EXD1: variants seen among roughly 807,000 people sequenced by gnomAD.
EXD1 encodes piRNA biogenesis protein EXD1.
Under a neutral mutation model 49.1 loss-of-function variants are expected in EXD1, and 63 were observed. The ratio of observed to expected loss-of-function variants is 1.28; its 90% CI spans 1.05 to 1.58. The LOEUF is 1.58. EXD1 is among the 40% of genes most tolerant of loss of function. The pLI is 0.00. For synonymous variants in EXD1, 234 were observed against 239.2 expected (o/e 0.98, Z 0.20); for missense variants, 748 against 666.0 (o/e 1.12, Z -1.36).
At position 41,184,418 on chromosome 15, in the gene EXD1, C is replaced by A; in HGVS notation, c.1232G>T (p.Gly411Val). ...ETAGKEEKVK[G>V]FLFGKNFRID... The stretch of plus-strand genomic sequence containing the variant: ...CCTAAAATTTTTACCAAATAAGAAG[C>A]CTTTGACTTTCTCCTCTTTCCCTGC... The change falls in exon 12 of 12, where the codon GGC becomes GTC. Residue 411 changes from glycine to valine, a missense_variant. Gly to Val is a moderately radical substitution (Grantham distance 109). Transcript: ENST00000458580. The A allele has an allele frequency of 6.2e-7, 1 of 1,614,112 alleles. No individual in the cohort carries two copies. Among genetic ancestry groups the A allele is most frequent in the Non-Finnish European group, 8.5e-7 (1 of 1,180,026 alleles).
In EXD1 at chr15:41,219,163, T is replaced by C. The variant is rs527859850; in HGVS notation, c.202+667A>G. 2.6e-5 allele frequency among the ~76,000 whole-genome samples: 4 copies of C among 152,352 alleles called. 1 individual carries two copies. The East Asian group carries it at 7.7e-4, about 29-fold the overall frequency. ...TGTATGAAGCACACTGATGAGCTTC[T>C]ACAGCTACTCTTTCAGGCAAACAAT... On this transcript the variant is annotated intron_variant, in intron 3 of 11. Transcript: ENST00000458580.
Position 41,219,902 on chromosome 15 carries a change from T to C in EXD1, c.134-4A>G. 1.3e-6 allele frequency: 2 copies of C among 1,532,832 alleles called. No homozygotes were observed. Among genetic ancestry groups the C allele is most frequent in the South Asian group, 1.2e-5 (1 of 83,240 alleles). The allele number at this position is 1,532,832 out of a possible 1,614,324, so 95.0% of individuals were successfully genotyped here. A position where few individuals can be genotyped will look rare whatever the true frequency, so the allele number is the denominator to read the frequency against. ...CGACCTGTCTCCACATTCTTCACTG[T>C]TACAGAAAACAATTCATTCAGTTAA... On this transcript the variant is annotated splice_region_variant and splice_polypyrimidine_tract_variant and intron_variant, in intron 2 of 11. Coordinates refer to ENST00000458580, the MANE Select transcript of EXD1 (RefSeq NM_001286441.2).
At chr15:41,222,972 G>T (rs1306558436) in intron 2 of EXD1, among the ~76,000 whole-genome samples, 4 of 151,214 alleles carry the variant, frequency 2.6e-5, no homozygotes, top group Non-Finnish European at 5.9e-5. Context: ...TTTTTTAGAG[G>T]TGGGGTCTTG....
chr15:41,190,404 C>T (rs558806204), intron 10 of EXD1: 17 of 375,950 alleles, frequency 4.5e-5, no homozygotes, highest in South Asian at 2.6e-4. Context: ...ACCTGGGAGG[C>T]GGAGCTTGCA....
chr15:41,205,491 A>C (rs777294608), intron 7 of EXD1, among the ~76,000 whole-genome samples: 2 of 152,164 alleles, frequency 1.3e-5, no homozygotes, highest in Non-Finnish European at 1.5e-5. Context: ...AAAGAAAACA[A>C]AGTTGGTTGG....
At chr15:41,206,371 G>T (rs1280532123) in intron 7 of EXD1, among the ~76,000 whole-genome samples, 1 of 150,816 alleles carries the variant, frequency 6.6e-6, no homozygotes, top group South Asian at 2.1e-4. Flanking sequence ...TTGGGAGGCT[G>T]AGGCAGGAGA....
intron 6 of EXD1, 141 bp downstream of exon 6, chr15:41,215,634 C>T (rs1595453491): frequency 2.6e-6 from 2 of 780,266 alleles, no homozygotes; most frequent in Non-Finnish European, 4.2e-6. Context: ...TGCAGTGAGC[C>T]AAGATTGGTC....
intron 6 of EXD1, among the ~76,000 whole-genome samples, chr15:41,213,825 C>A (rs1281177617): frequency 6.6e-6 from 1 of 152,150 alleles, no homozygotes. Context: ...GCTTTACTTA[C>A]AACTCTGTGA....
intron 7 of EXD1, 136 bp from the exon 8 acceptor site, chr15:41,196,173 G>A: frequency 1.5e-6 from 1 of 686,464 alleles, no homozygotes; most frequent in Non-Finnish European, 2.3e-6. Flanking sequence ...TAGAGACAAA[G>A]TTTCACTCTG....
intron 7 of EXD1, among the ~76,000 whole-genome samples, chr15:41,205,189 CAGAAGGCAA>C (rs1195540041): frequency 1.3e-5 from 2 of 152,158 alleles, no homozygotes; most frequent in African/African-American, 4.8e-5. Flanking sequence ...AGCAAACCTA[CAGAAGGCAA>C]AGGGAAAATT....
chr15:41,194,781 A>G (rs7165931), intron 9 of EXD1, among the ~76,000 whole-genome samples: 40,921 of 152,102 alleles, frequency 0.27, 7,420 homozygotes, highest in African/African-American at 0.51. Context: ...CAAGAAGCCT[A>G]ATGGCCTCAA....
intron 7 of EXD1, among the ~76,000 whole-genome samples, chr15:41,196,732 A>T (rs768005041): frequency 6.7e-6 from 1 of 149,444 alleles, no homozygotes; most frequent in African/African-American, 2.5e-5. Context: ...CACCTGGCCA[A>T]TTTTTTTTAT....
At chr15:41,225,202 T>C (rs1266935205) in intron 2 of EXD1, among the ~76,000 whole-genome samples, 1 of 152,172 alleles carries the variant, frequency 6.6e-6, no homozygotes, top group Non-Finnish European at 1.5e-5. Context: ...TAAGAAAAAA[T>C]TTAACCCCTT....
intron 7 of EXD1, among the ~76,000 whole-genome samples, chr15:41,200,906 G>C (rs1440478732): frequency 6.6e-6 from 1 of 150,432 alleles, no homozygotes; most frequent in Non-Finnish European, 1.5e-5. Flanking sequence ...ATGGAGTCTT[G>C]CTCTGTCGCC....
intron 6 of EXD1, among the ~76,000 whole-genome samples, chr15:41,210,017 G>C (rs1479930160): frequency 6.6e-6 from 1 of 152,124 alleles, no homozygotes; most frequent in Non-Finnish European, 1.5e-5. Flanking sequence ...AGAGAATCAA[G>C]TGATTCTCTT....
intron 2 of EXD1, among the ~76,000 whole-genome samples, chr15:41,222,670 G>A (rs1430425060): frequency 2.1e-5 from 3 of 142,402 alleles, no homozygotes; most frequent in Non-Finnish European, 4.5e-5. Context: ...TGGACGCGGT[G>A]ACTCACGGCT....
chr15:41,227,301 C>A (rs1199082982), intron 1 of EXD1, among the ~76,000 whole-genome samples: 1 of 152,188 alleles, frequency 6.6e-6, no homozygotes, highest in African/African-American at 2.4e-5. Context: ...TGTCTAGGTA[C>A]TTGAAATGTT....
intron 10 of EXD1, among the ~76,000 whole-genome samples, chr15:41,190,976 C>G (rs538140447): frequency 2.6e-5 from 4 of 152,130 alleles, no homozygotes; most frequent in Admixed American, 6.6e-5. Flanking sequence ...TGCAGTGGCA[C>G]GATCTCAGCT....
intron 6 of EXD1, among the ~76,000 whole-genome samples, chr15:41,210,269 C>T (rs1354074694): frequency 6.6e-6 from 1 of 152,132 alleles, no homozygotes; most frequent in Non-Finnish European, 1.5e-5. Context: ...CATGCCCTAA[C>T]ACAGGGCAAT....
Sources: gnomAD v4.1 joint callset for allele counts (sites outside exome capture counted in the v4.1 genomes callset) on GRCh38, gnomAD v4.1.1 for gene constraint, MANE v1.5 for transcripts, NCBI Gene and HGNC (gene_info 2026-07-23, HGNC 2026-07-21) for gene names.